Variants in FLII observed in about 807,000 individuals in gnomAD.
FLII encodes the protein FLII actin remodeling protein.
Under a neutral mutation model 156.2 loss-of-function variants are expected in FLII, and 101 were observed. The ratio of observed to expected loss-of-function variants is 0.65; its 90% confidence interval spans 0.55 to 0.76. FLII has a LOEUF of 0.76. Ranked by LOEUF, FLII falls within the 30% of genes least tolerant of loss-of-function variation. The probability of loss-of-function intolerance (pLI) is 0.00; values close to 1 mark genes in which losing one functional copy is unlikely to be tolerated. For missense variants in FLII, 1,675 were observed against 1,682.8 expected (o/e 1.00, Z 0.08); for synonymous variants, 767 against 685.8 (o/e 1.12, Z -1.85).
intron 16 of FLII, 117 bp from the exon 17 acceptor site, chr17:18,249,000 A>AC (rs915886702): frequency 5.3e-5 from 72 of 1,356,986 alleles, no homozygotes; most frequent in South Asian, 4.9e-4. Flanking sequence ...AGCCCCAGGG[A>AC]CCCCCCGCCA....
rs372810046 is a variant in FLII, at chr17:18,253,295, C to T, written c.1013+6G>A. Reference sequence around the variant, plus strand: ...TGCCTCTGCTAGCCCCAGCCCTGCCCAGCACCTGCAGAGACTTTCAGGGAC... The same window carrying T: ...TGCCTCTGCTAGCCCCAGCCCTGCCTAGCACCTGCAGAGACTTTCAGGGAC... On this transcript the variant is annotated splice_donor_region_variant and intron_variant, in intron 9 of 29. Coordinates refer to ENST00000327031, the MANE Select transcript of FLII (RefSeq NM_002018.4). 3.7e-6 allele frequency: 6 copies of T among 1,613,644 alleles called. No homozygotes were observed. Among genetic ancestry groups the T allele is most frequent in the Non-Finnish European group, 5.1e-6 (6 of 1,180,004 alleles).
intron 28 of FLII, 21 bp downstream of exon 28, chr17:18,245,534 G>C: frequency 3.1e-6 from 5 of 1,611,916 alleles, no homozygotes; most frequent in Non-Finnish European, 3.4e-6. Flanking sequence ...TGGATGGGCA[G>C]GGCTAGTGGC....
chr17:18,246,459 C>T lies in FLII; in HGVS notation c.3055G>A (p.Val1019Ile). The T allele has an allele frequency of 6.2e-7, 1 of 1,613,906 alleles. No individual in the cohort carries two copies. Among genetic ancestry groups the T allele is most frequent in the Middle Eastern group, 1.6e-4 (1 of 6,062 alleles). Residue 1019 changes from valine to isoleucine, a missense_variant, in exon 24 of 30, where the codon GTA becomes ATA. Around this residue, in one of 2 missense-constraint regions of FLII, gnomAD observed 1,332 missense variants for 1,269.3 expected, o/e 1.05. Transcript: ENST00000327031. Reference sequence around the variant, plus strand: ...TTCTCCTGCTGCTGCGTCATGCGTACCACCTGGGGATGTGGAAGTGTTAGG... The same window carrying T: ...TTCTCCTGCTGCTGCGTCATGCGTATCACCTGGGGATGTGGAAGTGTTAGG... ...ESLFPGKLEV[V>I]RMTQQQENPK...
chr17:18,246,053 C>G lies in FLII; in HGVS notation c.3277G>C (p.Glu1093Gln), dbSNP rs760884592. Residue 1093 changes from glutamate to glutamine, a missense_variant, in exon 26 of 30, where the codon GAG becomes CAG. Glu to Gln is a conservative substitution (Grantham distance 29). This residue lies in a region of FLII where 1,332 missense variants were observed against 1,269.3 expected (regional missense o/e 1.05). Coordinates refer to ENST00000327031, the MANE Select transcript of FLII (RefSeq NM_002018.4). ...ACGATGCCCTGGTTGTCCTCACTCT[C>G]AAAGGGAACCTGGGGAGTGTGCAGG... ...EFCFILKVPF[E>Q]SEDNQGIVYA... 4 of 1,614,146 alleles carry G rather than the reference C, an allele frequency of 2.5e-6. No homozygotes were observed. In the East Asian group the frequency reaches 6.7e-5, roughly 27 times the overall value.
In FLII at chr17:18,245,833, C is replaced by T. The variant is rs377544137; in HGVS notation, c.3414G>A (p.Glu1138=). The change falls in exon 27 of 30, where the codon GAG becomes GAA. Residue 1138 remains glutamate, a synonymous_variant. Transcript: ENST00000327031. ...CCACCCAGAAGAAGTTCTCAGGCTC[C>T]TCACCTTCGTTGATAACCTGCGGGA... ...SYSKQVINEG[E]EPENFFWVGI... 8.7e-6 allele frequency: 14 copies of T among 1,613,954 alleles called. No homozygotes were observed. The African/African-American group carries it at 1.6e-4, about 18-fold the overall frequency.
At position 18,246,293 on chromosome 17, in the gene FLII, C is replaced by T. The variant is rs372477896; in HGVS notation, c.3206+15G>A. The T allele has an allele frequency of 2.5e-6, 4 of 1,613,786 alleles. No individual in the cohort carries two copies. Among genetic ancestry groups the T allele is most frequent in the Non-Finnish European group, 1.7e-6 (2 of 1,180,034 alleles). On this transcript the variant is annotated intron_variant, in intron 24 of 29. Coordinates refer to ENST00000327031, the MANE Select transcript of FLII (RefSeq NM_002018.4). ...TGACGCTTGCTCGCCACTGCGTCCT[C>T]CCCCAGCCAGGCACCGGGTGCAGAG...
Position 18,245,808 on chromosome 17 carries a change from C to A in FLII, c.3439G>T (p.Gly1147Cys). ...GEEPENFFWVGIGAQKPYDDD... is the reference protein window; with the variant it reads ...GEEPENFFWVCIGAQKPYDDD... ...TCATAGGGCTTCTGTGCCCCAATGCCCACCCAGAAGAAGTTCTCAGGCTCC... is the reference window on the plus strand; with the variant it reads ...TCATAGGGCTTCTGTGCCCCAATGCACACCCAGAAGAAGTTCTCAGGCTCC... The change falls in exon 27 of 30, where the codon GGC becomes TGC. Residue 1147 changes from glycine (G) to cysteine (C), a missense_variant. Coordinates refer to ENST00000327031, the MANE Select transcript of FLII (RefSeq NM_002018.4). 6.2e-7 allele frequency: 1 copy of A among 1,614,042 alleles called. No individual in the cohort carries two copies. Among genetic ancestry groups the A allele is most frequent in the South Asian group, 1.1e-5 (1 of 91,072 alleles).
At chr17:18,246,129 C>T (rs747246238) in intron 25 of FLII, 33 bp downstream of exon 25, 21 of 1,614,018 alleles carry the variant, frequency 1.3e-5, no homozygotes, top group Admixed American at 6.7e-5. Context: ...ACCCCTTGGT[C>T]CACGGAGTCC....
intron 1 of FLII, among the ~76,000 whole-genome samples, chr17:18,257,592 T>G (rs543849335): frequency 5.3e-5 from 8 of 152,346 alleles, no homozygotes; most frequent in Non-Finnish European, 7.4e-5. Flanking sequence ...AGTAGGTGCC[T>G]TCAGTGCCTG....
In FLII at chr17:18,246,068, G is replaced by A. The variant is rs750256946; in HGVS notation, c.3268-6C>T. On this transcript the variant is annotated splice_region_variant and splice_polypyrimidine_tract_variant and intron_variant, in intron 25 of 29. Transcript: ENST00000327031. ...TCCTCACTCTCAAAGGGAACCTGGG[G>A]AGTGTGCAGGGGTGGGGGTGTTCGC... 1.2e-5 allele frequency: 20 copies of A among 1,614,022 alleles called. No individual in the cohort carries two copies. Among genetic ancestry groups the A allele is most frequent in the Middle Eastern group, 1.6e-4 (1 of 6,084 alleles).
At chr17:18,256,199 C>T (rs547785088) in intron 3 of FLII, among the ~76,000 whole-genome samples, 1 of 152,256 alleles carries the variant, frequency 6.6e-6, no homozygotes, top group Non-Finnish European at 1.5e-5. Flanking sequence ...AGGGCTAGAG[C>T]ATATGAAAAA....
chr17:18,246,746 C>T lies in FLII; in HGVS notation c.2899G>A (p.Ala967Thr), dbSNP rs1438897894. ...TGCTTCTCCTCTGCCTCAGCGGTTG[C>T]TTCCTCGCCTTCTTTGCCCTCGGCC... ...EKAEGKEGEE[A>T]TAEAEEKQPE... The change falls in exon 23 of 30, where the codon GCA becomes ACA. Residue 967 changes from alanine (A) to threonine (T), a missense_variant. This residue lies in a region of FLII where 1,332 missense variants were observed against 1,269.3 expected (regional missense o/e 1.05). Coordinates refer to ENST00000327031, the MANE Select transcript of FLII (RefSeq NM_002018.4). 1.2e-6 allele frequency: 2 copies of T among 1,613,762 alleles called. No homozygotes were observed. The highest frequency in any genetic ancestry group is 1.1e-5 in the South Asian group (1 of 91,032).
chr17:18,246,872 A>G, intron 22 of FLII, 41 bp downstream of exon 22: 1 of 1,613,790 alleles, frequency 6.2e-7, no homozygotes. Flanking sequence ...AGCCCCCAGC[A>G]CCAGGGGAGG....
At position 18,248,019 on chromosome 17, in the gene FLII, C is replaced by T. The variant is rs573873611; in HGVS notation, c.2205G>A (p.Leu735=). The T allele has an allele frequency of 1.9e-6, 3 of 1,613,178 alleles. No individual in the cohort carries two copies. Among genetic ancestry groups the T allele is most frequent in the East Asian group, 4.5e-5 (2 of 44,878 alleles). ...TGATCTGTGGCAGCTCCAGGTAGCC[C>T]AAGCCCAGGCCCACCTGGCAGGAAG... ...QPKLYKVGLG[L]GYLELPQINY... is the part of the protein sequence containing the mutation. The change falls in exon 19 of 30, where the codon TTG becomes TTA. Residue 735 remains leucine, a synonymous_variant. Transcript: ENST00000327031.
chr17:18,257,458 T>C (rs1362144205), intron 1 of FLII, among the ~76,000 whole-genome samples: 1 of 152,156 alleles, frequency 6.6e-6, no homozygotes, highest in Admixed American at 6.5e-5. Context: ...ACGGCCAGGG[T>C]CAAACCCTTG....
intron 11 of FLII, 21 bp from the exon 12 acceptor site, chr17:18,251,837 C>T (rs745836158): frequency 1.2e-6 from 2 of 1,613,034 alleles, no homozygotes; most frequent in South Asian, 1.1e-5. Flanking sequence ...GGGCAAACAG[C>T]TGAGCCCTCA....
At position 18,253,539 on chromosome 17, in the gene FLII, C is replaced by A. The variant is rs775190562; in HGVS notation, c.855+5G>T. 6.2e-6 allele frequency: 10 copies of A among 1,612,758 alleles called. No individual in the cohort carries two copies. In the East Asian group the frequency reaches 2.2e-4, roughly 36 times the overall value. The stretch of plus-strand genomic sequence containing the variant: ...CCATCCCCCTACTGAGGGCCTCAGA[C>A]GCACGGGCAGTGAGGTGAGCTGATT... On this transcript the variant is annotated splice_donor_5th_base_variant and intron_variant, in intron 8 of 29. Transcript: ENST00000327031.
Position 18,251,036 on chromosome 17 carries a change from G to A in FLII, c.1597-19C>T, listed in dbSNP as rs752763367. On this transcript the variant is annotated intron_variant, in intron 13 of 29. Transcript: ENST00000327031. ...GAAAGGTCTGGAAGCCAAGGCACCG[G>A]CCACATCAGCTTTCATCCTGGTCTT... is the stretch of plus-strand genomic sequence containing the variant. The A allele has an allele frequency of 3.1e-6, 5 of 1,606,424 alleles. No homozygotes were observed. Among genetic ancestry groups the A allele is most frequent in the Non-Finnish European group, 4.2e-6 (5 of 1,176,566 alleles).
In FLII at chr17:18,246,346, G is replaced by A. The variant is rs184572488; in HGVS notation, c.3168C>T (p.Leu1056=). The part of the protein sequence containing the change: ...KAVQGAQQPS[L]YQIRTNGSAL... ...CGCTGCCGTTGGTGCGGATCTGGTA[G>A]AGGCTGGGCTGTTGGGCGCCCTGGA... Residue 1056 remains leucine, a synonymous_variant, in exon 24 of 30, where the codon CTC becomes CTT. Transcript: ENST00000327031. The A allele has an allele frequency of 5.0e-6, 8 of 1,613,934 alleles. No homozygotes were observed. The East Asian group carries it at 6.7e-5, about 13-fold the overall frequency.
Sources: gnomAD v4.1 joint callset for allele counts (sites outside exome capture counted in the v4.1 genomes callset) on GRCh38, gnomAD v4.1.1 for gene constraint, gnomAD v4.1.1 regional missense constraint, MANE v1.5 for transcripts, NCBI Gene and HGNC (gene_info 2026-07-23, HGNC 2026-07-21) for gene names.